The following PPM1H variants were observed in gnomAD, a reference collection of about 807,000 sequenced individuals.
PPM1H encodes protein phosphatase 1H.
In PPM1H, 27 loss-of-function variants were observed where a neutral mutation model predicts 54.9. The ratio of observed to expected loss-of-function variants is 0.49; its 90% CI spans 0.36 to 0.68. The LOEUF (loss-of-function observed/expected upper bound fraction) is 0.68. Ranked by LOEUF, PPM1H falls within the 30% of genes least tolerant of loss-of-function variation. PPM1H has a pLI of 0.00. For synonymous variants in PPM1H, 305 were observed against 270.8 expected, an observed-to-expected ratio of 1.13 and a Z score of -1.24; for missense variants, 596 against 667.8, an observed-to-expected ratio of 0.89 and a Z score of 1.19.
chr12:62,911,311 T>C (rs888234526), intron 1 of PPM1H, among the ~76,000 whole-genome samples: 1 of 152,200 alleles, frequency 6.6e-6, no homozygotes, highest in Non-Finnish European at 1.5e-5. Context: ...TTTTAAACCC[T>C]ACGATGTAAA....
chr12:62,759,092 C>T (rs1175051623), intron 4 of PPM1H, among the ~76,000 whole-genome samples: 1 of 152,252 alleles, frequency 6.6e-6, no homozygotes, highest in Non-Finnish European at 1.5e-5. Context: ...ATCCACCACC[C>T]TTTGCTGACT....
chr12:62,911,750 T>C (rs1871466844), intron 1 of PPM1H, among the ~76,000 whole-genome samples: 1 of 152,220 alleles, frequency 6.6e-6, no homozygotes, highest in Non-Finnish European at 1.5e-5. Context: ...CTCCATCACC[T>C]GTCACAAAGT....
At chr12:62,664,983 T>A (rs1237422497) in intron 9 of PPM1H, among the ~76,000 whole-genome samples, 1 of 151,340 alleles carries the variant, frequency 6.6e-6, no homozygotes, top group Admixed American at 6.6e-5. Flanking sequence ...ATGTCTTCTT[T>A]TTTTTTTTTT....
At chr12:62,742,953 G>T (rs1215287364) in intron 4 of PPM1H, among the ~76,000 whole-genome samples, 1 of 152,150 alleles carries the variant, frequency 6.6e-6, no homozygotes, top group Non-Finnish European at 1.5e-5. Context: ...CAGTAAAATC[G>T]ATGGGGCGTT....
At chr12:62,801,323 CT>C (rs11366160) in intron 3 of PPM1H, among the ~76,000 whole-genome samples, 20,166 of 147,518 alleles carry the variant, frequency 0.14, 1,830 homozygotes, top group African/African-American at 0.27. Context: ...TCTTCTTTTA[CT>C]TTTTTTTTTT....
At chr12:62,799,794 G>A (rs1056630061) in intron 3 of PPM1H, among the ~76,000 whole-genome samples, 1 of 152,056 alleles carries the variant, frequency 6.6e-6, no homozygotes, top group African/African-American at 2.4e-5. Flanking sequence ...TGTTGCACAA[G>A]CTGGAATACA....
At chr12:62,821,002 G>A (rs142823006) in intron 2 of PPM1H, among the ~76,000 whole-genome samples, 128 of 152,258 alleles carry the variant, frequency 8.4e-4, no homozygotes, top group African/African-American at 3.0e-3. Context: ...CGAACCCATT[G>A]CAAAGAAGCT....
At chr12:62,926,243 A>G (rs946154324) in intron 1 of PPM1H, among the ~76,000 whole-genome samples, 1 of 152,230 alleles carries the variant, frequency 6.6e-6, no homozygotes, top group Non-Finnish European at 1.5e-5. Flanking sequence ...ATAGCTTTCT[A>G]GTTCAGGGTT....
At chr12:62,805,854 A>G (rs2076802670) in intron 2 of PPM1H, among the ~76,000 whole-genome samples, 1 of 152,230 alleles carries the variant, frequency 6.6e-6, no homozygotes, top group Admixed American at 6.5e-5. Flanking sequence ...TGTCCTCACC[A>G]CAAACACACA....
intron 4 of PPM1H, chr12:62,755,423 T>C (rs749343205): frequency 2.8e-6 from 2 of 723,202 alleles, no homozygotes; most frequent in Non-Finnish European, 5.1e-6. Context: ...AATGGGAAGC[T>C]TGTCATCAAC....
At chr12:62,933,984 A>C (rs1267009025) in intron 1 of PPM1H, 1 of 153,380 alleles carries the variant, frequency 6.5e-6, no homozygotes, top group East Asian at 1.9e-4. Flanking sequence ...GACCTTCGGA[A>C]ATGTACAACC....
chr12:62,749,171 G>A (rs117294696), intron 4 of PPM1H, among the ~76,000 whole-genome samples: 3,335 of 152,252 alleles, frequency 0.022, 53 homozygotes, highest in Non-Finnish European at 0.036. Context: ...TTTCACTGTT[G>A]TCATCAGTCC....
At chr12:62,868,257 T>G (rs914225921) in intron 1 of PPM1H, among the ~76,000 whole-genome samples, 2 of 152,196 alleles carry the variant, frequency 1.3e-5, no homozygotes, top group African/African-American at 4.8e-5. Context: ...TCCCCCTTAA[T>G]AGCATCTGGA....
intron 6 of PPM1H, among the ~76,000 whole-genome samples, chr12:62,711,976 T>C (rs1374938191): frequency 6.6e-6 from 1 of 152,194 alleles, no homozygotes; most frequent in Non-Finnish European, 1.5e-5. Flanking sequence ...TGTCAGGAGA[T>C]GTGCTGCACA....
rs757437295 is a variant in PPM1H at position 62,832,101 on chromosome 12, A to G, written c.411+13T>C. ...CTTCTCACCTGAGAACCAAGGATCG[A>G]GAAGGGTCTTACCGAGTTCTCCTTC... On this transcript the variant is annotated intron_variant, in intron 2 of 9. Coordinates refer to ENST00000228705, the MANE Select transcript of PPM1H (RefSeq NM_020700.2). 4 of 1,612,996 alleles carry G rather than the reference A, an allele frequency of 2.5e-6. No individual in the cohort carries two copies. The highest frequency in any genetic ancestry group is 3.4e-6 in the Non-Finnish European group (4 of 1,179,120).
chr12:62,769,965 A>G (rs1454425777), intron 4 of PPM1H, among the ~76,000 whole-genome samples: 2 of 152,168 alleles, frequency 1.3e-5, no homozygotes, highest in Non-Finnish European at 2.9e-5. Flanking sequence ...AGTACTTTCC[A>G]TAAGATAAGA....
At chr12:62,708,004 G>A (rs1377437022) in intron 6 of PPM1H, among the ~76,000 whole-genome samples, 1 of 152,214 alleles carries the variant, frequency 6.6e-6, no homozygotes. Flanking sequence ...GCAACCAGGT[G>A]AAGAACAAAA....
At chr12:62,833,869 T>C (rs1868423005) in intron 1 of PPM1H, among the ~76,000 whole-genome samples, 1 of 148,924 alleles carries the variant, frequency 6.7e-6, no homozygotes. Context: ...TATTAAGCCA[T>C]CTATCTTTTC....
In PPM1H at chr12:62,802,055, G is replaced by T. The variant is rs1399256280; in HGVS notation, c.517C>A (p.Gln173Lys). The stretch of plus-strand genomic sequence containing the variant: ...AGGATGTCCACGATGTCCTGCAGCT[G>T]CTCCGTGATGTGGTGCTGCAGCAGG... ...SRLLQHHITEQLQDIVDILKN... is the reference protein window; with the variant it reads ...SRLLQHHITEKLQDIVDILKN... Residue 173 changes from glutamine (Q) to lysine (K), a missense_variant, in exon 3 of 10, where the codon CAG becomes AAG. This residue lies in a region of PPM1H where 382 missense variants were observed against 387.1 expected (regional missense o/e 0.99). Coordinates refer to ENST00000228705, the MANE Select transcript of PPM1H (RefSeq NM_020700.2). 2 of 1,613,234 alleles carry T rather than the reference G, an allele frequency of 1.2e-6. No homozygotes were observed. The highest frequency in any genetic ancestry group is 1.1e-5 in the South Asian group (1 of 91,060).
Sources: gnomAD v4.1 joint callset for allele counts (sites outside exome capture counted in the v4.1 genomes callset) on GRCh38, gnomAD v4.1.1 for gene constraint, gnomAD v4.1.1 regional missense constraint, MANE v1.5 for transcripts, NCBI Gene and HGNC (gene_info 2026-07-23, HGNC 2026-07-21) for gene names.